Variants in DCST1 observed in about 807,000 individuals in gnomAD.
DCST1 encodes the protein E3 ubiquitin-protein ligase DCST1.
A neutral mutation model predicts 89.1 loss-of-function variants in DCST1; 78 were observed. That is an observed-to-expected ratio of 0.88 (90% CI 0.73 to 1.06). DCST1 has a LOEUF of 1.06. DCST1 is among the 50% of genes least tolerant of loss of function. The probability of loss-of-function intolerance (pLI) is 0.00; values close to 1 mark genes in which losing one functional copy is unlikely to be tolerated. For missense variants in DCST1, 900 were observed against 928.6 expected, an observed-to-expected ratio of 0.97 and a Z score of 0.40; for synonymous variants, 364 against 371.9, an observed-to-expected ratio of 0.98 and a Z score of 0.24.
chr1:155,048,150 GAGCGACAGCAGA>G lies in DCST1; in HGVS notation c.1852_1863del (p.Arg618_Lys621del), dbSNP rs1459995306. 2 of 1,613,926 alleles carry G rather than the reference GAGCGACAGCAGA, an allele frequency of 1.2e-6. No homozygotes were observed. Among genetic ancestry groups the G allele is most frequent in the Non-Finnish European group, 8.5e-7 (1 of 1,180,020 alleles). ...CAGGAGGGCCGCTATCCTGAGGCGG[GAGCGACAGCAGA>G]AGGCTCCGGTAAGTCCAGGCGTAAG... is the stretch of plus-strand genomic sequence containing the variant. On this transcript the variant is annotated inframe_deletion, in exon 16 of 17. Coordinates refer to ENST00000295542, the MANE Select transcript of DCST1 (RefSeq NM_152494.4).
rs1382383030 is a variant in DCST1 at position 155,043,276 on chromosome 1, C to T, written c.1015-76C>T. 3.7e-6 allele frequency: 6 copies of T among 1,605,594 alleles called. No individual in the cohort carries two copies. In the East Asian group the frequency reaches 1.3e-4, roughly 36 times the overall value. ...GGGACACAAGTGGGGTACTGGGGAA[C>T]AGATGTCATGAAGAGGTGGGACCCA... On this transcript the variant is annotated intron_variant, in intron 9 of 16. Transcript: ENST00000295542.
intron 2 of DCST1, 73 bp downstream of exon 2, chr1:155,034,170 C>T: frequency 6.3e-7 from 1 of 1,588,616 alleles, no homozygotes; most frequent in South Asian, 1.1e-5. Context: ...GGAACTCCTG[C>T]ACACTATCCC....
intron 4 of DCST1, 89 bp from the exon 5 acceptor site, chr1:155,039,314 G>T (rs571755011): frequency 3.1e-5 from 44 of 1,432,642 alleles, no homozygotes; most frequent in Non-Finnish European, 3.6e-5. Flanking sequence ...GTTCCAGAAG[G>T]GGGTGTTGCA....
intron 4 of DCST1, chr1:155,034,966 T>A (rs1434347962): frequency 1.8e-6 from 1 of 560,588 alleles, no homozygotes; most frequent in African/African-American, 1.9e-5. Context: ...ATCACCCACA[T>A]GATATAGTCC....
At chr1:155,049,657 T>G (rs1660806990) in intron 16 of DCST1, among the ~76,000 whole-genome samples, 1 of 152,188 alleles carries the variant, frequency 6.6e-6, no homozygotes, top group African/African-American at 2.4e-5. Flanking sequence ...GCAGCCATTC[T>G]TATTTAATCA....
chr1:155,047,317 G>C lies in DCST1; in HGVS notation c.1612+5G>C. 6.2e-7 allele frequency: 1 copy of C among 1,608,866 alleles called. No individual in the cohort carries two copies. The highest frequency in any genetic ancestry group is 8.5e-7 in the Non-Finnish European group (1 of 1,175,570). ...TGATGGAATCAAACAACATGCGTGA[G>C]TGATGCTGAAAGTTTGGATCAGAGG... On this transcript the variant is annotated splice_donor_5th_base_variant and intron_variant, in intron 14 of 16. Transcript: ENST00000295542.
chr1:155,041,342 C>A, intron 6 of DCST1, 55 bp from the exon 7 acceptor site: 1 of 1,584,474 alleles, frequency 6.3e-7, no homozygotes, highest in Non-Finnish European at 8.6e-7. Flanking sequence ...CCTCAGGCAG[C>A]AGAAGTTCTA....
At chr1:155,048,416 C>G (rs990376109) in intron 16 of DCST1, among the ~76,000 whole-genome samples, 1 of 152,242 alleles carries the variant, frequency 6.6e-6, no homozygotes, top group Admixed American at 6.5e-5. Context: ...CTCAGCCCCC[C>G]ACTCCACAAG....
rs1238118651 is a variant in DCST1, at chr1:155,043,371, T to A, written c.1034T>A (p.Val345Glu). The change falls in exon 10 of 17, where the codon GTG becomes GAG. Residue 345 changes from valine to glutamate, a missense_variant. Val to Glu is a moderately radical substitution (Grantham distance 121). Transcript: ENST00000295542. Reference sequence around the variant, plus strand: ...CACCAGGAAGAGAAGCAGGCTGGGGTGCTGGGGCTCAACACAAGCTGGGAG... The same window carrying A: ...CACCAGGAAGAGAAGCAGGCTGGGGAGCTGGGGCTCAACACAAGCTGGGAG... Reference protein sequence around the residue: ...IDFKEEKQAGVLGLNTSWERV... With the variant: ...IDFKEEKQAGELGLNTSWERV... 1 of 1,613,816 alleles carries A rather than the reference T, an allele frequency of 6.2e-7. No individual in the cohort carries two copies. The highest frequency in any genetic ancestry group is 1.3e-5 in the African/African-American group (1 of 74,856).
At chr1:155,039,682 T>A (rs1006652067) in intron 5 of DCST1, 151 bp downstream of exon 5, 255 of 1,056,748 alleles carry the variant, frequency 2.4e-4, no homozygotes, top group Non-Finnish European at 3.0e-4. Flanking sequence ...CCTCCCCATA[T>A]CTGGGCCTCC....
chr1:155,046,240 C>A lies in DCST1; in HGVS notation c.1368+20C>A, dbSNP rs769138110. 6.2e-7 allele frequency: 1 copy of A among 1,614,124 alleles called. No homozygotes were observed. Among genetic ancestry groups the A allele is most frequent in the South Asian group, 1.1e-5 (1 of 91,082 alleles). On this transcript the variant is annotated intron_variant, in intron 12 of 16. Coordinates refer to ENST00000295542, the MANE Select transcript of DCST1 (RefSeq NM_152494.4). ...AATGTGGTGAGGACAGCATGGGGAGCGGACTCCTGGGTGCAAAGACAGGCC... is the reference window on the plus strand; with the variant it reads ...AATGTGGTGAGGACAGCATGGGGAGAGGACTCCTGGGTGCAAAGACAGGCC...
chr1:155,048,110 A>G lies in DCST1; in HGVS notation c.1809A>G (p.Ala603=), dbSNP rs754956137. 4.3e-6 allele frequency: 7 copies of G among 1,613,968 alleles called. No individual in the cohort carries two copies. Among genetic ancestry groups the G allele is most frequent in the Non-Finnish European group, 5.9e-6 (7 of 1,180,018 alleles). ...FLYNDLLKKR[A]AFTKLRRAAI... ...ACAATGACCTATTGAAGAAAAGAGCAGCCTTCACCAAACTCAGGAGGGCCG... is the reference window on the plus strand; with the variant it reads ...ACAATGACCTATTGAAGAAAAGAGCGGCCTTCACCAAACTCAGGAGGGCCG... Residue 603 remains alanine (A), a synonymous_variant, in exon 16 of 17, where the codon GCA becomes GCG. Coordinates refer to ENST00000295542, the MANE Select transcript of DCST1 (RefSeq NM_152494.4).
At chr1:155,041,375 C>T (rs1388797857) in intron 6 of DCST1, 22 bp from the exon 7 acceptor site, 1 of 1,612,728 alleles carries the variant, frequency 6.2e-7, no homozygotes, top group East Asian at 2.2e-5. Flanking sequence ...TCACCCTTTC[C>T]TCCCTCCACC....
intron 9 of DCST1, 114 bp downstream of exon 9, chr1:155,042,970 G>A: frequency 1.4e-6 from 2 of 1,459,702 alleles, no homozygotes; most frequent in Non-Finnish European, 1.8e-6. Flanking sequence ...GGTGACCAGG[G>A]GTGAGGGAGG....
At position 155,034,546 on chromosome 1, in the gene DCST1, G is replaced by T. The variant is rs769002567; in HGVS notation, c.173G>T (p.Gly58Val). 5 of 1,613,762 alleles carry T rather than the reference G, an allele frequency of 3.1e-6. No homozygotes were observed. The East Asian group carries it at 1.1e-4, about 36-fold the overall frequency. Reference protein sequence around the residue: ...TALLLGAGAGGLLAIGLFQLL... With the variant: ...TALLLGAGAGVLLAIGLFQLL... ...CTCCTGCTGGGGGCAGGCGCTGGGG[G>T]GCTCCTGGCCATAGGTGAGTGTGGA... is the stretch of plus-strand genomic sequence containing the variant. The change falls in exon 3 of 17, where the codon GGG becomes GTG. Residue 58 changes from glycine to valine, a missense_variant. Gly to Val is a moderately radical substitution (Grantham distance 109). Coordinates refer to ENST00000295542, the MANE Select transcript of DCST1 (RefSeq NM_152494.4).
Position 155,050,895 on chromosome 1 carries a change from C to A in DCST1, c.*27C>A. On this transcript the variant is annotated 3_prime_UTR_variant, in exon 17 of 17. Transcript: ENST00000295542. Reference sequence around the variant, plus strand: ...GAGGCGTCCTGCTCGCTCTTCCGCACCGTCCTTCCCGGTTAATAAAATGCC... The same window carrying A: ...GAGGCGTCCTGCTCGCTCTTCCGCAACGTCCTTCCCGGTTAATAAAATGCC... 1 of 1,599,114 alleles carries A rather than the reference C, an allele frequency of 6.3e-7. No homozygotes were observed. Among genetic ancestry groups the A allele is most frequent in the South Asian group, 1.1e-5 (1 of 90,398 alleles).
intron 2 of DCST1, 32 bp downstream of exon 2, chr1:155,034,129 T>C: frequency 6.2e-7 from 1 of 1,612,978 alleles, no homozygotes; most frequent in Non-Finnish European, 8.5e-7. Context: ...CAGTATCCCT[T>C]GACCTCCACT....
At chr1:155,038,762 G>A (rs1006255351) in intron 4 of DCST1, among the ~76,000 whole-genome samples, 3 of 152,040 alleles carry the variant, frequency 2.0e-5, no homozygotes, top group Middle Eastern at 3.4e-3. Context: ...CTCCCACAGC[G>A]CTCTATAAGC....
Position 155,043,300 on chromosome 1 carries a change from C to G in DCST1, c.1015-52C>G, listed in dbSNP as rs145158627. On this transcript the variant is annotated intron_variant, in intron 9 of 16. Coordinates refer to ENST00000295542, the MANE Select transcript of DCST1 (RefSeq NM_152494.4). ...ACAGATGTCATGAAGAGGTGGGACC[C>G]AGGTCTGACGAGGTGGCCGCAGGCT... 1.6e-3 allele frequency: 2,607 copies of G among 1,612,562 alleles called. 5 individuals carry two copies. Among genetic ancestry groups the G allele is most frequent in the Non-Finnish European group, 1.9e-3 (2,269 of 1,179,184 alleles).
Sources: allele counts gnomAD v4.1 joint callset (sites outside exome capture counted in the v4.1 genomes callset), GRCh38; gene constraint gnomAD v4.1.1; transcripts MANE v1.5; gene names NCBI Gene and HGNC (gene_info 2026-07-23, HGNC 2026-07-21).